Variants in HIP1 observed in about 807,000 individuals in gnomAD.
The protein encoded by HIP1 is huntingtin-interacting protein 1.
In HIP1, 65 loss-of-function variants were observed where a neutral mutation model predicts 147.6. The observed-to-expected ratio is 0.44, with a 90% confidence interval of 0.36 to 0.54. The LOEUF is 0.54. Ranked by LOEUF, HIP1 falls within the 20% of genes least tolerant of loss-of-function variation. The pLI, the probability that HIP1 is intolerant of heterozygous loss-of-function variation, is 0.00. For missense variants in HIP1, 1,061 were observed against 1,299.6 expected, an observed-to-expected ratio of 0.82 and a Z score of 2.82; for synonymous variants, 479 against 504.0, an observed-to-expected ratio of 0.95 and a Z score of 0.67.
intron 2 of HIP1, among the ~76,000 whole-genome samples, chr7:75,592,763 A>C (rs587710961): frequency 6.6e-6 from 1 of 152,178 alleles, no homozygotes; most frequent in East Asian, 1.9e-4. Flanking sequence ...AGAACTGTAC[A>C]TTCCTTCTGG....
intron 1 of HIP1, among the ~76,000 whole-genome samples, chr7:75,633,220 C>T (rs1341185838): frequency 6.6e-6 from 1 of 152,132 alleles, no homozygotes; most frequent in African/African-American, 2.4e-5. Context: ...AAGATACAAC[C>T]AAAATCAGTT....
At chr7:75,665,816 C>T (rs370092152) in intron 1 of HIP1, among the ~76,000 whole-genome samples, 3 of 152,180 alleles carry the variant, frequency 2.0e-5, no homozygotes, top group East Asian at 3.8e-4. Flanking sequence ...GCTGGGATTA[C>T]AGGCATGAGC....
At chr7:75,617,387 TTTA>T (rs1381438557) in intron 1 of HIP1, among the ~76,000 whole-genome samples, 1 of 150,972 alleles carries the variant, frequency 6.6e-6, no homozygotes, top group Non-Finnish European at 1.5e-5. Flanking sequence ...CCACTAATTT[TTTA>T]TTATTTGTAG....
At chr7:75,675,878 G>C (rs891793830) in intron 1 of HIP1, among the ~76,000 whole-genome samples, 22 of 152,122 alleles carry the variant, frequency 1.4e-4, no homozygotes, top group African/African-American at 4.8e-4. Context: ...CTACTTGGGA[G>C]ACTAAGGAAG....
intron 1 of HIP1, among the ~76,000 whole-genome samples, chr7:75,671,111 T>C (rs1395860169): frequency 6.6e-6 from 1 of 152,114 alleles, no homozygotes; most frequent in Non-Finnish European, 1.5e-5. Flanking sequence ...ATGTTATTTT[T>C]AGATGGAGTT....
intron 1 of HIP1, among the ~76,000 whole-genome samples, chr7:75,733,175 G>A (rs1194738907): frequency 2.0e-5 from 3 of 152,104 alleles, no homozygotes; most frequent in Non-Finnish European, 4.4e-5. Context: ...CAGTGTGGTC[G>A]AACGGGCCTG....
In HIP1 at chr7:75,650,453, C is replaced by CTTTTT. The variant is rs782108312; in HGVS notation, c.121-51211_121-51207dup. Among the ~76,000 whole-genome samples the CTTTTT allele has an allele frequency of 7.3e-3, 922 of 126,492 alleles. 38 individuals are homozygous for CTTTTT. Among genetic ancestry groups the CTTTTT allele is most frequent in the African/African-American group, 0.027 (866 of 32,464 alleles). The allele number at this position is 126,492 out of a possible 152,430, so 83.0% of individuals were successfully genotyped here. ...CAGGGATGTGTCTCTGCCCAGTTAT[C>CTTTTT]TTTTTTTTTTTTTTTTTGAGACAGA... On this transcript the variant is annotated intron_variant, in intron 1 of 30. Coordinates refer to ENST00000336926, the MANE Select transcript of HIP1 (RefSeq NM_005338.7).
intron 1 of HIP1, among the ~76,000 whole-genome samples, chr7:75,705,221 T>A (rs1372337939): frequency 6.6e-6 from 1 of 152,148 alleles, no homozygotes; most frequent in Admixed American, 6.6e-5. Flanking sequence ...CTACTTTGTG[T>A]CTCTATGTTT....
At chr7:75,647,312 C>A (rs1012714749) in intron 1 of HIP1, among the ~76,000 whole-genome samples, 9 of 148,432 alleles carry the variant, frequency 6.1e-5, no homozygotes, top group African/African-American at 2.2e-4. Flanking sequence ...GCAGGAGAAT[C>A]GCTTGAACCC....
At chr7:75,624,160 G>A (rs1452274443) in intron 1 of HIP1, among the ~76,000 whole-genome samples, 1 of 152,232 alleles carries the variant, frequency 6.6e-6, no homozygotes, top group African/African-American at 2.4e-5. Context: ...AGTGAGCGGT[G>A]AGGCTGTGGT....
At chr7:75,623,210 C>CAAAAAAAAAAAAA (rs34787591) in intron 1 of HIP1, among the ~76,000 whole-genome samples, 1 of 83,026 alleles carries the variant, frequency 1.2e-5, no homozygotes, top group Non-Finnish European at 2.2e-5. Flanking sequence ...AAAAAAAAAG[C>CAAAAAAAAAAAAA]AAAAAAAAAA....
intron 6 of HIP1, 24 bp downstream of exon 6, chr7:75,582,051 G>A: frequency 6.3e-7 from 1 of 1,598,434 alleles, no homozygotes; most frequent in Non-Finnish European, 8.6e-7. Context: ...CTCCCTCCCT[G>A]GGCTCAGGGC....
intron 1 of HIP1, among the ~76,000 whole-genome samples, chr7:75,704,385 C>T (rs1800927586): frequency 6.6e-6 from 1 of 152,016 alleles, no homozygotes; most frequent in Admixed American, 6.6e-5. Context: ...GCTGGGATTA[C>T]AGGCGCCCAG....
intron 1 of HIP1, among the ~76,000 whole-genome samples, chr7:75,646,520 C>T (rs1554511131): frequency 2.0e-5 from 3 of 152,388 alleles, no homozygotes; most frequent in Non-Finnish European, 1.5e-5. Flanking sequence ...CTGATGCTCC[C>T]AGCGAGCTTC....
chr7:75,703,673 T>C (rs1800906562), intron 1 of HIP1, among the ~76,000 whole-genome samples: 1 of 151,958 alleles, frequency 6.6e-6, no homozygotes, highest in African/African-American at 2.4e-5. Flanking sequence ...TAGATGAGCT[T>C]GGAAGTACCT....
chr7:75,589,730 G>GGT (rs1260414357), intron 4 of HIP1, among the ~76,000 whole-genome samples: 1 of 135,148 alleles, frequency 7.4e-6, no homozygotes, highest in Non-Finnish European at 1.6e-5. Context: ...TTTTTTTTGG[G>GGT]TTTTTTTTGT....
chr7:75,589,361 G>A (rs6957218), intron 4 of HIP1, among the ~76,000 whole-genome samples: 1,804 of 151,964 alleles, frequency 0.012, 34 homozygotes, highest in African/African-American at 0.04. Flanking sequence ...TGAGGGGTAG[G>A]ATGAGAAAGT....
intron 1 of HIP1, among the ~76,000 whole-genome samples, chr7:75,612,440 T>C (rs1328355314): frequency 6.6e-6 from 1 of 151,000 alleles, no homozygotes; most frequent in Admixed American, 6.6e-5. Flanking sequence ...ACCCACGAGG[T>C]GGAGGTTGCA....
chr7:75,582,155 G>A lies in HIP1; in HGVS notation c.466-4C>T. ...GGTTGCCTGGGAACCTGGGATTCTGGAAGGGAGGCAGAGGAAGGGAGTCAG... is the reference window on the plus strand; with the variant it reads ...GGTTGCCTGGGAACCTGGGATTCTGAAAGGGAGGCAGAGGAAGGGAGTCAG... On this transcript the variant is annotated splice_polypyrimidine_tract_variant and splice_region_variant and intron_variant, in intron 5 of 30. Coordinates refer to ENST00000336926, the MANE Select transcript of HIP1 (RefSeq NM_005338.7). The A allele has an allele frequency of 6.2e-7, 1 of 1,613,138 alleles. No individual in the cohort carries two copies. The highest frequency in any genetic ancestry group is 8.5e-7 in the Non-Finnish European group (1 of 1,179,290).
Sources: gnomAD v4.1 joint callset for allele counts (sites outside exome capture counted in the v4.1 genomes callset) on GRCh38, gnomAD v4.1.1 for gene constraint, MANE v1.5 for transcripts, NCBI Gene and HGNC (gene_info 2026-07-23, HGNC 2026-07-21) for gene names.